Variants in GUCY1A2 observed in about 807,000 individuals in gnomAD.
GUCY1A2 encodes the protein guanylate cyclase 1 soluble subunit alpha 2.
GUCY1A2 carries 27 observed loss-of-function variants against 63.5 expected under a neutral mutation model. That is an observed-to-expected ratio of 0.43 (90% CI 0.31 to 0.59). The LOEUF is 0.59. Ranked by LOEUF, GUCY1A2 falls within the 20% of genes least tolerant of loss-of-function variation. The pLI is 0.11. For synonymous variants in GUCY1A2, 364 were observed against 343.5 expected (o/e 1.06, Z -0.66); for missense variants, 768 against 913.3 (o/e 0.84, Z 2.05).
At chr11:106,922,630 C>A (rs1396065652) in intron 4 of GUCY1A2, among the ~76,000 whole-genome samples, 1 of 142,618 alleles carries the variant, frequency 7.0e-6, no homozygotes, top group Non-Finnish European at 1.5e-5. Context: ...TAATTACTCT[C>A]AAATAATGGT....
rs937840896 is a variant in GUCY1A2, at chr11:106,868,842, T to C, written c.1207-58364A>G. Among the ~76,000 whole-genome samples, 26 of 151,704 alleles carry C rather than the reference T, an allele frequency of 1.7e-4. No individual in the cohort carries two copies. In the East Asian group the frequency reaches 2.5e-3, roughly 15 times the overall value. On this transcript the variant is annotated intron_variant, in intron 4 of 7. Coordinates refer to ENST00000526355, the MANE Select transcript of GUCY1A2 (RefSeq NM_000855.3). ...GAACAAAGCTGGAGGCATCACGCTA[T>C]CTGACTTCAAACCATACTACAAGGC...
At chr11:106,962,804 C>A (rs1861076546) in intron 3 of GUCY1A2, among the ~76,000 whole-genome samples, 1 of 149,304 alleles carries the variant, frequency 6.7e-6, no homozygotes, top group Admixed American at 6.7e-5. Flanking sequence ...TATATATACA[C>A]ATATATGTAT....
chr11:106,986,068 A>G lies in GUCY1A2; in HGVS notation c.365+2T>C. On this transcript the variant is annotated splice_donor_variant, in intron 2 of 7. Transcript: ENST00000526355. LOFTEE classifies it high-confidence loss of function. ...TAATAACCGAAATCAATTTTTACTT[A>G]CCCAATAACTTGATGTTCATAATAC... 7.2e-7 allele frequency: 1 copy of G among 1,392,206 alleles called. No homozygotes were observed. The highest frequency in any genetic ancestry group is 1.0e-6 in the Non-Finnish European group (1 of 977,890). The allele number at this position is 1,392,206 out of a possible 1,614,324, so 86.2% of individuals were successfully genotyped here.
At chr11:106,981,489 A>G (rs1489309345) in intron 2 of GUCY1A2, among the ~76,000 whole-genome samples, 1 of 152,102 alleles carries the variant, frequency 6.6e-6, no homozygotes, top group Non-Finnish European at 1.5e-5. Context: ...AAAAAAAAAA[A>G]AAAGATAAAA....
In GUCY1A2 at chr11:106,686,731, T is replaced by C. The variant is rs1243730344; in HGVS notation, c.*818A>G. 1 of 204,422 alleles carries C rather than the reference T, an allele frequency of 4.9e-6. No homozygotes were observed. The highest frequency in any genetic ancestry group is 1.0e-5 in the Non-Finnish European group (1 of 99,632). 12.7% of individuals were successfully genotyped at this position (204,422 alleles called of 1,614,324 possible). ...GTGGCAAAAAGACCTTTCTTTAATC[T>C]TGGTTACAGATACATCTGGTGTTAG... On this transcript the variant is annotated 3_prime_UTR_variant, in exon 8 of 8. Coordinates refer to ENST00000526355, the MANE Select transcript of GUCY1A2 (RefSeq NM_000855.3).
chr11:106,765,446 C>T (rs1008168461), intron 6 of GUCY1A2, among the ~76,000 whole-genome samples: 10 of 152,068 alleles, frequency 6.6e-5, no homozygotes, highest in Non-Finnish European at 1.3e-4. Context: ...GGCTGTAATT[C>T]GTGGGAGGAT....
intron 4 of GUCY1A2, among the ~76,000 whole-genome samples, chr11:106,934,987 C>T (rs1026728456): frequency 2.0e-5 from 3 of 152,194 alleles, no homozygotes. Context: ...TTAGTAGATA[C>T]AGGTAATGAA....
chr11:106,956,797 C>T (rs959518355), intron 3 of GUCY1A2, among the ~76,000 whole-genome samples: 1 of 152,166 alleles, frequency 6.6e-6, no homozygotes, highest in African/African-American at 2.4e-5. Context: ...TAATGAAGCA[C>T]TTTGTCCTTT....
intron 3 of GUCY1A2, among the ~76,000 whole-genome samples, chr11:106,970,575 G>A (rs1289589782): frequency 2.0e-5 from 3 of 152,090 alleles, no homozygotes; most frequent in Non-Finnish European, 2.9e-5. Context: ...TCTAAAAAAT[G>A]GAAAATACCA....
At chr11:107,016,332 G>A (rs1009363265) in intron 1 of GUCY1A2, among the ~76,000 whole-genome samples, 1 of 152,248 alleles carries the variant, frequency 6.6e-6, no homozygotes, top group Non-Finnish European at 1.5e-5. Flanking sequence ...AAAGATGGGT[G>A]GAGGTTTGAC....
At position 106,993,670 on chromosome 11, in the gene GUCY1A2, G is replaced by A. The variant is rs527826123; in HGVS notation, c.304-7539C>T. Among the ~76,000 whole-genome samples, 19 of 151,510 alleles carry A rather than the reference G, an allele frequency of 1.3e-4. No homozygotes were observed. In the South Asian group the frequency reaches 2.3e-3, roughly 18 times the overall value. ...TCTCTTCACCTGAAAGTCCTCGGGG[G>A]AAAAAAAAGCCTCAATTTTCCCATC... is the stretch of plus-strand genomic sequence containing the variant. On this transcript the variant is annotated intron_variant, in intron 1 of 7. Coordinates refer to ENST00000526355, the MANE Select transcript of GUCY1A2 (RefSeq NM_000855.3).
chr11:107,016,034 G>A (rs1861818802), intron 1 of GUCY1A2, among the ~76,000 whole-genome samples: 1 of 152,050 alleles, frequency 6.6e-6, no homozygotes, highest in African/African-American at 2.4e-5. Flanking sequence ...CTTCAATCAG[G>A]TCTCGTAAAA....
At chr11:106,708,230 C>A (rs1463055449) in intron 7 of GUCY1A2, among the ~76,000 whole-genome samples, 1 of 152,038 alleles carries the variant, frequency 6.6e-6, no homozygotes, top group Non-Finnish European at 1.5e-5. Context: ...AGAACATTTG[C>A]TCTCCTGTAT....
chr11:106,824,584 A>G (rs1048806956), intron 4 of GUCY1A2, among the ~76,000 whole-genome samples: 1 of 152,106 alleles, frequency 6.6e-6, no homozygotes, highest in African/African-American at 2.4e-5. Context: ...ATTGTGTCTA[A>G]GGACATTTGA....
chr11:106,925,214 G>C lies in GUCY1A2; in HGVS notation c.1206+14246C>G, dbSNP rs1486444009. On this transcript the variant is annotated intron_variant, in intron 4 of 7. Transcript: ENST00000526355. Reference sequence around the variant, plus strand: ...CAGAGAGAGAGGAGAAAGAGAGAGAGAGATTTCAACCAGAAACTGAAAGCC... The same window carrying C: ...CAGAGAGAGAGGAGAAAGAGAGAGACAGATTTCAACCAGAAACTGAAAGCC... 4.0e-5 allele frequency among the ~76,000 whole-genome samples: 6 copies of C among 151,580 alleles called. No individual in the cohort carries two copies. The East Asian group carries it at 9.7e-4, about 25-fold the overall frequency.
At chr11:106,989,790 C>G (rs1861448070) in intron 1 of GUCY1A2, among the ~76,000 whole-genome samples, 2 of 152,096 alleles carry the variant, frequency 1.3e-5, no homozygotes, top group African/African-American at 2.4e-5. Flanking sequence ...TTGAGAGAGA[C>G]AGTGATACAA....
intron 4 of GUCY1A2, among the ~76,000 whole-genome samples, chr11:106,819,037 G>C (rs1340079974): frequency 6.6e-6 from 1 of 152,136 alleles, no homozygotes; most frequent in Non-Finnish European, 1.5e-5. Flanking sequence ...TGATGACTTG[G>C]AGAGCTTCAA....
chr11:106,925,619 A>AT (rs1860511141), intron 4 of GUCY1A2, among the ~76,000 whole-genome samples: 1 of 152,234 alleles, frequency 6.6e-6, no homozygotes, highest in African/African-American at 2.4e-5. Context: ...ATAAAGAAAT[A>AT]TATTGTCTAC....
intron 4 of GUCY1A2, chr11:106,827,299 G>A (rs1467757547): frequency 1.3e-6 from 2 of 1,555,144 alleles, no homozygotes; most frequent in Admixed American, 1.7e-5. Flanking sequence ...TGATTTTTCA[G>A]CAATGAGCTT....
Sources: allele counts gnomAD v4.1 joint callset (sites outside exome capture counted in the v4.1 genomes callset), GRCh38; gene constraint gnomAD v4.1.1; transcripts MANE v1.5; gene names NCBI Gene and HGNC (gene_info 2026-07-23, HGNC 2026-07-21).